The following TPSD1 variants were observed in gnomAD, a reference collection of about 807,000 sequenced individuals.
TPSD1 encodes the protein tryptase delta.
TPSD1 carries 30 observed loss-of-function variants against 25.4 expected under a neutral mutation model. That is an observed-to-expected ratio of 1.18 (90% confidence interval 0.88 to 1.60). The LOEUF (loss-of-function observed/expected upper bound fraction) is 1.60, where lower values mean the gene tolerates loss of function less well. Among genes scored for constraint, TPSD1 ranks in the 40% most tolerant of loss-of-function variants. The pLI, the probability that TPSD1 is intolerant of heterozygous loss-of-function variation, is 0.00. For missense variants in TPSD1, 420 were observed against 324.2 expected (o/e 1.30, Z -2.27); for synonymous variants, 176 against 149.4 (o/e 1.18, Z -1.30).
Position 1,256,294 on chromosome 16 carries a change from C to T in TPSD1, c.14C>T (p.Ala5Val), listed in dbSNP as rs376433952. 36 of 1,613,648 alleles carry T rather than the reference C, an allele frequency of 2.2e-5. No homozygotes were observed. In the African/African-American group the frequency reaches 4.0e-4, roughly 18 times the overall value. The stretch of plus-strand genomic sequence containing the variant: ...GCCAGGCCCACGATGCTCCTCCTTG[C>T]TCCCCAGATGCTGAGCCTGCTGCTG... MLLL[A>V]PQMLSLLLLA... The change falls in exon 1 of 5, where the codon GCT becomes GTT. Residue 5 changes from alanine (A) to valine (V), a missense_variant. Ala to Val is a moderately conservative substitution (Grantham distance 64, BLOSUM62 0). Coordinates refer to ENST00000211076, the MANE Select transcript of TPSD1 (RefSeq NM_012217.3).
intron 3 of TPSD1, 131 bp downstream of exon 3, chr16:1,257,193 C>T: frequency 7.7e-7 from 1 of 1,300,146 alleles, no homozygotes; most frequent in South Asian, 1.5e-5. Flanking sequence ...ATGGATGGAG[C>T]AGGCGGTGGC....
intron 3 of TPSD1, 76 bp from the exon 4 acceptor site, chr16:1,257,983 G>C (rs553537924): frequency 4.7e-6 from 7 of 1,481,244 alleles, no homozygotes; most frequent in Non-Finnish European, 6.4e-6. Context: ...TCCCCTGCCC[G>C]TGACTCTGCC....
At chr16:1,257,576 G>C in intron 3 of TPSD1, 1 of 234,380 alleles carries the variant, frequency 4.3e-6, no homozygotes, top group Non-Finnish European at 8.3e-6. Flanking sequence ...CCACAATTCA[G>C]AGCAAAGCTT....
intron 3 of TPSD1, chr16:1,257,521 C>A (rs1434392103): frequency 8.3e-6 from 2 of 240,666 alleles, no homozygotes; most frequent in East Asian, 1.9e-4. Context: ...TGTGGCCCTC[C>A]ACGAGGCACA....
chr16:1,257,888 G>C (rs1255453534), intron 3 of TPSD1, 171 bp from the exon 4 acceptor site: 1 of 714,114 alleles, frequency 1.4e-6, no homozygotes, highest in African/African-American at 1.8e-5. Flanking sequence ...CCCAGGACCA[G>C]CCTCAGCGGA....
chr16:1,257,096 G>A (rs1380080038), intron 3 of TPSD1, 34 bp downstream of exon 3: 1 of 1,560,754 alleles, frequency 6.4e-7, no homozygotes, highest in South Asian at 1.2e-5. Flanking sequence ...GCCGGGCCAG[G>A]TGGGCACCAA....
chr16:1,258,126 C>T lies in TPSD1; in HGVS notation c.588C>T (p.Asn196=), dbSNP rs370799678. Residue 196 remains asparagine (N), a synonymous_variant, in exon 4 of 5, where the codon AAC becomes AAT. Coordinates refer to ENST00000211076, the MANE Select transcript of TPSD1 (RefSeq NM_012217.3). ...EVPVVENHLC[N]AEYHTGLHTG... is the part of the protein sequence containing the mutation. ...CCGTAGTGGAAAACCACCTTTGCAA[C>T]GCGGAATATCACACCGGCCTCCATA... is the stretch of plus-strand genomic sequence containing the variant. 114 of 1,609,482 alleles carry T rather than the reference C, an allele frequency of 7.1e-5. 1 individual carries two copies. The highest frequency in any genetic ancestry group is 5.2e-4 in the South Asian group (47 of 90,362).
At position 1,256,840 on chromosome 16, in the gene TPSD1, C is replaced by A. The variant is rs2030981608; in HGVS notation, c.298C>A (p.Gln100Lys). Residue 100 changes from glutamine to lysine, a missense_variant, in exon 3 of 5, where the codon CAG (glutamine) becomes AAG (lysine). By Grantham distance (53) the Gln-to-Lys change is moderately conservative (BLOSUM62 1). Transcript: ENST00000211076. ...LAALRVQLRE[Q>K]HLYYQDQLLP... ...CGCCCTCAGGGTGCAACTGCGGGAG[C>A]AGCACCTCTACTACCAGGACCAGCT... is the stretch of plus-strand genomic sequence containing the variant. 1 of 1,613,090 alleles carries A rather than the reference C, an allele frequency of 6.2e-7. No individual in the cohort carries two copies. The highest frequency in any genetic ancestry group is 1.3e-5 in the African/African-American group (1 of 75,034).
At chr16:1,257,347 C>T (rs1224909286) in intron 3 of TPSD1, 5 of 527,742 alleles carry the variant, frequency 9.5e-6, no homozygotes, top group African/African-American at 1.9e-5. Flanking sequence ...TTGTACGTCA[C>T]GGACTTGCTA....
chr16:1,258,347 C>T lies in TPSD1; in HGVS notation c.700C>T (p.Pro234Ser). 6.2e-7 allele frequency: 1 copy of T among 1,606,484 alleles called. No individual in the cohort carries two copies. Among genetic ancestry groups the T allele is most frequent in the African/African-American group, 1.5e-5 (1 of 68,626 alleles). ...HDSCQGDSGGPLVCKVNGT is the reference protein window; with the variant it reads ...HDSCQGDSGGSLVCKVNGT ...ACCTTCCCAGGGTGACTCTGGAGGG[C>T]CCCTGGTCTGCAAGGTGAATGGCAC... The change falls in exon 5 of 5, where the codon CCC becomes TCC. Residue 234 changes from proline (P) to serine (S), a missense_variant. By Grantham distance (74) the Pro-to-Ser change is moderately conservative (BLOSUM62 -1). Transcript: ENST00000211076.
Position 1,256,517 on chromosome 16 carries a change from C to T in TPSD1, c.84C>T (p.Ala28=), listed in dbSNP as rs762235618. 1.9e-6 allele frequency: 3 copies of T among 1,608,378 alleles called. No homozygotes were observed. The highest frequency in any genetic ancestry group is 1.7e-6 in the Non-Finnish European group (2 of 1,178,326). The change falls in exon 2 of 5, where the codon GCC becomes GCT. Residue 28 remains alanine, a splice_region_variant and synonymous_variant. Transcript: ENST00000211076. ...GTCCTGACCTGGCACCTGCCCCAGC[C>T]CCAGGCCAGGCCCTGCAGCAAACGG... The part of the protein sequence containing the change: ...VLASPAYVAP[A]PGQALQQTGI...
Position 1,258,047 on chromosome 16 carries a change from C to G in TPSD1, c.521-12C>G. On this transcript the variant is annotated splice_polypyrimidine_tract_variant and intron_variant, in intron 3 of 4. Coordinates refer to ENST00000211076, the MANE Select transcript of TPSD1 (RefSeq NM_012217.3). ...GCCCCAGACCCGGCTCCACGCCCCCCTCCGCCCCCAGTGCACCTGCCGCCG... is the reference window on the plus strand; with the variant it reads ...GCCCCAGACCCGGCTCCACGCCCCCGTCCGCCCCCAGTGCACCTGCCGCCG... The G allele has an allele frequency of 6.4e-7, 1 of 1,565,620 alleles. No homozygotes were observed. The highest frequency in any genetic ancestry group is 8.6e-7 in the Non-Finnish European group (1 of 1,156,092).
At position 1,256,556 on chromosome 16, in the gene TPSD1, G is replaced by C. The variant is rs2401932; in HGVS notation, c.123G>C (p.Gly41=). The C allele has an allele frequency of 3.8e-5, 60 of 1,596,594 alleles. No individual in the cohort carries two copies. The highest frequency in any genetic ancestry group is 4.8e-5 in the Non-Finnish European group (57 of 1,175,462). The change falls in exon 2 of 5, where the codon GGG becomes GGC. Residue 41 remains glycine (G), a synonymous_variant. Coordinates refer to ENST00000211076, the MANE Select transcript of TPSD1 (RefSeq NM_012217.3). ...TGCAGCAAACGGGCATTGTTGGGGG[G>C]CAGGAGGCCCCCAGGAGCAAGTGGC... ...QALQQTGIVG[G]QEAPRSKWPW...
In TPSD1 at chr16:1,256,293, G is replaced by A; in HGVS notation, c.13G>A (p.Ala5Thr). The A allele has an allele frequency of 6.2e-7, 1 of 1,613,608 alleles. No homozygotes were observed. The highest frequency in any genetic ancestry group is 8.5e-7 in the Non-Finnish European group (1 of 1,179,754). Residue 5 changes from alanine to threonine, a missense_variant, in exon 1 of 5, where the codon GCT becomes ACT. By Grantham distance (58) the Ala-to-Thr change is moderately conservative (BLOSUM62 0). Transcript: ENST00000211076. ...GGCCAGGCCCACGATGCTCCTCCTT[G>A]CTCCCCAGATGCTGAGCCTGCTGCT... MLLLAPQMLSLLLLA... is the reference protein window; with the variant it reads MLLLTPQMLSLLLLA...
chr16:1,256,837 G>T lies in TPSD1; in HGVS notation c.295G>T (p.Glu99Ter). Residue 99 changes from glutamate to a stop codon, truncating the protein, a stop_gained, in exon 3 of 5, where the codon GAG (glutamate) becomes TAG (stop). Coordinates refer to ENST00000211076, the MANE Select transcript of TPSD1 (RefSeq NM_012217.3). LOFTEE classifies it high-confidence loss of function. The stretch of plus-strand genomic sequence containing the variant: ...GGCCGCCCTCAGGGTGCAACTGCGG[G>T]AGCAGCACCTCTACTACCAGGACCA... ...DLAALRVQLR[E>*]QHLYYQDQLL... is the part of the protein sequence containing the mutation. The T allele has an allele frequency of 6.2e-7, 1 of 1,613,030 alleles. No individual in the cohort carries two copies. The highest frequency in any genetic ancestry group is 1.1e-5 in the South Asian group (1 of 91,036).
Position 1,258,072 on chromosome 16 carries a change from G to A in TPSD1, c.534G>A (p.Pro178=), listed in dbSNP as rs79166520. ...CTCCGCCCCCAGTGCACCTGCCGCC[G>A]CCATACCCGCTGAAGGAGGTGGAAG... The part of the protein sequence containing the change: ...GDVDNNVHLP[P]PYPLKEVEVP... Residue 178 remains proline, a synonymous_variant, in exon 4 of 5, where the codon CCG becomes CCA. Coordinates refer to ENST00000211076, the MANE Select transcript of TPSD1 (RefSeq NM_012217.3). 2,271 of 1,586,604 alleles carry A rather than the reference G, an allele frequency of 1.4e-3. 52 individuals are homozygous for A. In the East Asian group the frequency reaches 0.046, roughly 32 times the overall value.
At chr16:1,257,493 G>T (rs2031001217) in intron 3 of TPSD1, 2 of 260,660 alleles carry the variant, frequency 7.7e-6, no homozygotes, top group Non-Finnish European at 1.5e-5. Context: ...GTGCTGTGGG[G>T]GGCTGGACGA....
At chr16:1,257,266 C>CA in intron 3 of TPSD1, 1 of 708,150 alleles carries the variant, frequency 1.4e-6, no homozygotes, top group South Asian at 1.9e-5. Flanking sequence ...TCCCCCACCC[C>CA]AGGGGTTTGG....
Position 1,257,127 on chromosome 16 carries a change from C to G in TPSD1, c.520+65C>G, listed in dbSNP as rs1421671434. The G allele has an allele frequency of 1.3e-5, 19 of 1,513,714 alleles. No individual in the cohort carries two copies. In the South Asian group the frequency reaches 1.3e-4, roughly 10 times the overall value. 93.8% of individuals were successfully genotyped at this position (1,513,714 alleles called of 1,614,324 possible). A position where few individuals can be genotyped will look rare whatever the true frequency, so the allele number is the denominator to read the frequency against. On this transcript the variant is annotated intron_variant, in intron 3 of 4. Coordinates refer to ENST00000211076, the MANE Select transcript of TPSD1 (RefSeq NM_012217.3). ...ACCAAGTCACAGCCACAGGCCAGTC[C>G]GTGGGGTGACAGGGTCCCTCAGGGC...
Sources: allele counts gnomAD v4.1 joint callset, GRCh38; gene constraint gnomAD v4.1.1; transcripts MANE v1.5; gene names NCBI Gene and HGNC (gene_info 2026-07-23, HGNC 2026-07-21).